The following PCSK6 variants were observed in gnomAD, a reference collection of about 807,000 sequenced individuals.
PCSK6 encodes the protein proprotein convertase subtilisin/kexin type 6, also known as paired basic amino acid cleaving enzyme 4.
In PCSK6, 85 loss-of-function variants were observed where a neutral mutation model predicts 123.3. The ratio of observed to expected loss-of-function variants is 0.69; its 90% confidence interval spans 0.58 to 0.83. The LOEUF (loss-of-function observed/expected upper bound fraction) is 0.83. Among genes scored for constraint, PCSK6 ranks in the 40% least tolerant of loss-of-function variants. The probability of loss-of-function intolerance (pLI) is 0.00; values close to 1 mark genes in which losing one functional copy is unlikely to be tolerated. For synonymous variants in PCSK6, 508 were observed against 516.0 expected (o/e 0.98, Z 0.21); for missense variants, 1,191 against 1,282.3 (o/e 0.93, Z 1.09).
rs2039708001 is a variant in PCSK6, at chr15:101,305,710, A to ATTT, written c.2813-356_2813-355insAAA. ...GCAAGAAGAACAAAACTCCGTCTCA[A>ATTT]AAATAAATAAATAAATACATAAATA... On this transcript the variant is annotated intron_variant, in intron 21 of 21. Transcript: ENST00000611716. This position sits in a 1 kb window ranked among gnomAD's most constrained non-coding sequence, Gnocchi z 4.8. The ATTT allele has an allele frequency of 5.5e-6, 1 of 180,552 alleles. No homozygotes were observed. Among genetic ancestry groups the ATTT allele is most frequent in the Non-Finnish European group, 1.2e-5 (1 of 84,830 alleles). 11.2% of individuals were successfully genotyped at this position (180,552 alleles called of 1,614,324 possible).
intron 6 of PCSK6, among the ~76,000 whole-genome samples, chr15:101,407,334 G>C (rs1159723428): frequency 2.6e-5 from 4 of 152,168 alleles, no homozygotes; most frequent in Non-Finnish European, 4.4e-5. Flanking sequence ...GATAACTTTG[G>C]TATCATCCAT....
chr15:101,436,757 C>T (rs930916456), intron 2 of PCSK6, among the ~76,000 whole-genome samples: 14 of 152,314 alleles, frequency 9.2e-5, no homozygotes, highest in Admixed American at 2.0e-4. Flanking sequence ...CAGTCTGTGG[C>T]GCTTAGATCT....
intron 21 of PCSK6, among the ~76,000 whole-genome samples, chr15:101,306,470 C>T (rs2039726578): frequency 6.6e-6 from 1 of 152,146 alleles, no homozygotes; most frequent in South Asian, 2.1e-4. Flanking sequence ...CCTGCCCTGA[C>T]CCTGGACACT....
intron 6 of PCSK6, among the ~76,000 whole-genome samples, chr15:101,427,359 G>A (rs66822021): frequency 0.15 from 23,080 of 152,122 alleles, 2,126 homozygotes; most frequent in East Asian, 0.4. Context: ...GTGGAAAGAC[G>A]GGGGAGGCGG....
intron 13 of PCSK6, among the ~76,000 whole-genome samples, chr15:101,357,934 G>A (rs752637988): frequency 6.6e-6 from 1 of 152,228 alleles, no homozygotes; most frequent in Non-Finnish European, 1.5e-5. Context: ...GAGGCAGCAG[G>A]CCCTTTCCTT....
At chr15:101,443,492 G>A (rs529236217) in intron 2 of PCSK6, 64 bp downstream of exon 2, 30 of 1,106,658 alleles carry the variant, frequency 2.7e-5, no homozygotes, top group South Asian at 2.0e-4. Flanking sequence ...TCCAGACTCC[G>A]CCATTTTTAA....
intron 13 of PCSK6, among the ~76,000 whole-genome samples, chr15:101,340,352 G>C (rs191779634): frequency 3.3e-5 from 5 of 152,172 alleles, no homozygotes; most frequent in African/African-American, 1.2e-4. Context: ...GAAAAGGATC[G>C]AAGAATCCTA....
intron 19 of PCSK6, 157 bp from the exon 20 acceptor site, chr15:101,313,662 CCTCACCCA>C: frequency 9.3e-7 from 1 of 1,069,872 alleles, no homozygotes; most frequent in Non-Finnish European, 1.3e-6. Context: ...GCTGGGCCGT[CCTCACCCA>C]CTCCCAGGAG....
chr15:101,477,604 TTTCTTG>T (rs2057765353), intron 1 of PCSK6, among the ~76,000 whole-genome samples: 1 of 152,206 alleles, frequency 6.6e-6, no homozygotes, highest in African/African-American at 2.4e-5. Context: ...TTTTTATGGT[TTTCTTG>T]TTCTTTTCTG....
At chr15:101,382,500 T>C (rs1169495353) in intron 10 of PCSK6, among the ~76,000 whole-genome samples, 1 of 152,180 alleles carries the variant, frequency 6.6e-6, no homozygotes, top group Non-Finnish European at 1.5e-5. Context: ...GTTTCTTTTT[T>C]TGAGACAAAG....
chr15:101,452,886 C>G (rs971083413), intron 1 of PCSK6, among the ~76,000 whole-genome samples: 4 of 152,208 alleles, frequency 2.6e-5, no homozygotes, highest in African/African-American at 9.7e-5. Flanking sequence ...AAAGGACACA[C>G]TGGAGCACTG....
rs1284671524 is a variant in PCSK6, at chr15:101,366,322, G to A, written c.1732C>T (p.Leu578Phe). The part of the protein sequence containing the change: ...SQLLAKRLLD[L>F]SNEGFTNWEF... ...CAGTTTGTAAACCCTTCATTGGAAAGATCCAGCAACCTGCAATTGGAGGTG... is the reference window on the plus strand; with the variant it reads ...CAGTTTGTAAACCCTTCATTGGAAAAATCCAGCAACCTGCAATTGGAGGTG... The change falls in exon 13 of 22, where the codon CTT becomes TTT. Residue 578 changes from leucine to phenylalanine, a missense_variant. Coordinates refer to ENST00000611716, the MANE Select transcript of PCSK6 (RefSeq NM_002570.5). The A allele has an allele frequency of 6.2e-7, 1 of 1,612,028 alleles. No individual in the cohort carries two copies. Among genetic ancestry groups the A allele is most frequent in the Non-Finnish European group, 8.5e-7 (1 of 1,179,080 alleles).
intron 2 of PCSK6, among the ~76,000 whole-genome samples, chr15:101,434,707 C>T (rs760719085): frequency 1.3e-5 from 2 of 152,196 alleles, no homozygotes; most frequent in Non-Finnish European, 2.9e-5. Context: ...CCAATGGAAC[C>T]GAACACTGTA....
At chr15:101,393,536 G>C in intron 7 of PCSK6, 112 bp from the exon 8 acceptor site, 1 of 755,780 alleles carries the variant, frequency 1.3e-6, no homozygotes, top group Non-Finnish European at 2.1e-6. Context: ...GGATAAGAAG[G>C]TTGCATTCAG....
intron 5 of PCSK6, 34 bp from the exon 6 acceptor site, chr15:101,428,014 G>A (rs1042410748): frequency 4.6e-6 from 7 of 1,523,612 alleles, no homozygotes; most frequent in Non-Finnish European, 5.3e-6. Context: ...TGAGGACGCA[G>A]CCCAGCAAGT....
At chr15:101,461,748 G>A (rs976388813) in intron 1 of PCSK6, among the ~76,000 whole-genome samples, 4 of 152,218 alleles carry the variant, frequency 2.6e-5, no homozygotes, top group Admixed American at 2.6e-4. Flanking sequence ...TACAGGAAAA[G>A]CATTAGATAA....
In PCSK6 at chr15:101,408,006, G is replaced by A. The variant is rs576165647; in HGVS notation, c.824-9430C>T. Among the ~76,000 whole-genome samples the A allele has an allele frequency of 5.3e-5, 8 of 152,260 alleles. No homozygotes were observed. The South Asian group carries it at 6.2e-4, about 12-fold the overall frequency. ...TTGACATCGAGGCTGACCCTTTCACGGTCTCCCCGCTAGGGAATGAGGGCT... is the reference window on the plus strand; with the variant it reads ...TTGACATCGAGGCTGACCCTTTCACAGTCTCCCCGCTAGGGAATGAGGGCT... On this transcript the variant is annotated intron_variant, in intron 6 of 21. Coordinates refer to ENST00000611716, the MANE Select transcript of PCSK6 (RefSeq NM_002570.5).
At chr15:101,396,581 C>A (rs192614540) in intron 7 of PCSK6, among the ~76,000 whole-genome samples, 1 of 151,884 alleles carries the variant, frequency 6.6e-6, no homozygotes, top group Non-Finnish European at 1.5e-5. Flanking sequence ...GAGATCCAAG[C>A]GATCTAGTGG....
intron 1 of PCSK6, among the ~76,000 whole-genome samples, chr15:101,478,858 G>C (rs1278008801): frequency 1.3e-5 from 2 of 152,228 alleles, no homozygotes; most frequent in Non-Finnish European, 2.9e-5. Context: ...ACAAATATTT[G>C]CTGCTCACAA....
Sources: allele counts gnomAD v4.1 joint callset (sites outside exome capture counted in the v4.1 genomes callset), GRCh38; gene constraint gnomAD v4.1.1; non-coding constraint Gnocchi (gnomAD v3.1); transcripts MANE v1.5; gene names NCBI Gene and HGNC (gene_info 2026-07-23, HGNC 2026-07-21).